The following FTO variants were observed in gnomAD, a reference collection of about 807,000 sequenced individuals.
The protein encoded by FTO is FTO alpha-ketoglutarate dependent dioxygenase.
Under a neutral mutation model 63.9 loss-of-function variants are expected in FTO, and 47 were observed. The observed-to-expected ratio is 0.74, with a 90% CI of 0.58 to 0.94. The LOEUF (loss-of-function observed/expected upper bound fraction) is 0.94. FTO is among the 40% of genes least tolerant of loss of function. The pLI, the probability that FTO is intolerant of heterozygous loss-of-function variation, is 0.00. For synonymous variants in FTO, 207 were observed against 224.4 expected (o/e 0.92, Z 0.69); for missense variants, 562 against 618.1 (o/e 0.91, Z 0.96).
chr16:54,018,451 T>TACA (rs1326864802), intron 8 of FTO, among the ~76,000 whole-genome samples: 15 of 152,084 alleles, frequency 9.9e-5, no homozygotes, highest in African/African-American at 3.6e-4. Context: ...CATACATACA[T>TACA]TCATTCATGT....
chr16:53,826,269 C>G lies in FTO; in HGVS notation c.529C>G (p.Pro177Ala). Residue 177 changes from proline (P) to alanine (A), a missense_variant, in exon 3 of 9, where the codon CCC (proline) becomes GCC (alanine). Coordinates refer to ENST00000471389, the MANE Select transcript of FTO (RefSeq NM_001080432.3). The stretch of plus-strand genomic sequence containing the variant: ...GCCATTGTGTATGTCTGCAGATTTC[C>G]CCAGGGTTGGGATGGGTTCATCCTA... ...AVPLCMSADFPRVGMGSSYNG... is the reference protein window; with the variant it reads ...AVPLCMSADFARVGMGSSYNG... The G allele has an allele frequency of 6.2e-7, 1 of 1,614,152 alleles. No individual in the cohort carries two copies. The highest frequency in any genetic ancestry group is 8.5e-7 in the Non-Finnish European group (1 of 1,180,030).
chr16:54,099,814 G>C (rs1189723837), intron 8 of FTO, among the ~76,000 whole-genome samples: 3 of 152,188 alleles, frequency 2.0e-5, no homozygotes, highest in Non-Finnish European at 4.4e-5. Context: ...TCATGTGCCA[G>C]ACCCTGGGAA....
At chr16:53,720,257 A>G (rs773440454) in intron 1 of FTO, among the ~76,000 whole-genome samples, 3 of 152,170 alleles carry the variant, frequency 2.0e-5, no homozygotes, top group Non-Finnish European at 4.4e-5. Flanking sequence ...GTGATGTTTC[A>G]TCTGTAAAAT....
At chr16:53,710,193 T>A (rs114986370) in intron 1 of FTO, among the ~76,000 whole-genome samples, 1,829 of 151,298 alleles carry the variant, frequency 0.012, 31 homozygotes, top group African/African-American at 0.042. Context: ...TATTTATTTA[T>A]TTAATTTTTT....
chr16:54,090,898 G>A (rs1298110412), intron 8 of FTO, among the ~76,000 whole-genome samples: 1 of 152,176 alleles, frequency 6.6e-6, no homozygotes. Flanking sequence ...TCTCCTTGTA[G>A]TCTCAGGGCC....
chr16:53,729,209 A>ATT (rs2076216537), intron 1 of FTO, among the ~76,000 whole-genome samples: 1 of 150,642 alleles, frequency 6.6e-6, no homozygotes, highest in Non-Finnish European at 1.5e-5. Flanking sequence ...TTTCCATTCC[A>ATT]CCCACTTCTA....
chr16:53,823,027 C>T (rs927628169), intron 2 of FTO, among the ~76,000 whole-genome samples: 1 of 152,168 alleles, frequency 6.6e-6, no homozygotes, highest in African/African-American at 2.4e-5. Flanking sequence ...CATTTTTCTA[C>T]TCCCCTTCAT....
intron 1 of FTO, among the ~76,000 whole-genome samples, chr16:53,773,093 A>AT (rs10718688): frequency 3.0e-4 from 41 of 137,026 alleles, no homozygotes; most frequent in East Asian, 2.6e-3. Flanking sequence ...TTATTTATTT[A>AT]TTTTTTTTTT....
chr16:53,989,563 A>G (rs2083753501), intron 8 of FTO, among the ~76,000 whole-genome samples: 2 of 152,162 alleles, frequency 1.3e-5, no homozygotes, highest in African/African-American at 4.8e-5. Context: ...CTATATTCAG[A>G]TGGTCCTGGG....
At chr16:53,805,511 G>T (rs1033494558) in intron 1 of FTO, among the ~76,000 whole-genome samples, 5 of 146,366 alleles carry the variant, frequency 3.4e-5, no homozygotes, top group Non-Finnish European at 6.0e-5. Flanking sequence ...GCAGTGGCGT[G>T]ATCTCGGCTC....
At chr16:53,817,366 G>A (rs573108396) in intron 2 of FTO, among the ~76,000 whole-genome samples, 6 of 152,228 alleles carry the variant, frequency 3.9e-5, no homozygotes, top group South Asian at 2.1e-4. Context: ...TGTTTAGCCC[G>A]TTAGTCATCG....
At chr16:53,931,298 CTTTTTTT>C (rs869204000) in intron 7 of FTO, among the ~76,000 whole-genome samples, 1 of 101,944 alleles carries the variant, frequency 9.8e-6, no homozygotes, top group Non-Finnish European at 1.9e-5. Context: ...AACTATGTGA[CTTTTTTT>C]TTTTTTTTTT....
Position 53,883,866 on chromosome 16 carries a change from G to A in FTO, c.1119+3879G>A, listed in dbSNP as rs575383193. 1.1e-4 allele frequency among the ~76,000 whole-genome samples: 17 copies of A among 152,264 alleles called. No individual in the cohort carries two copies. The South Asian group carries it at 3.5e-3, about 32-fold the overall frequency. ...CTTTCACAATTAATTCCATATGTCA[G>A]GGCACATTGTCAGATATTGTTCTTT... On this transcript the variant is annotated intron_variant, in intron 6 of 8. Transcript: ENST00000471389.
intron 8 of FTO, among the ~76,000 whole-genome samples, chr16:54,094,981 A>G (rs1217743481): frequency 6.6e-6 from 1 of 152,066 alleles, no homozygotes; most frequent in African/African-American, 2.4e-5. Flanking sequence ...CTCAGACTTC[A>G]CTGACCCCAT....
chr16:53,997,498 A>G (rs2083967056), intron 8 of FTO, among the ~76,000 whole-genome samples: 1 of 149,136 alleles, frequency 6.7e-6, no homozygotes, highest in African/African-American at 2.5e-5. Flanking sequence ...TCCTGGCAGA[A>G]ATAATGGCTA....
In FTO at chr16:53,950,922, T is replaced by A. The variant is rs551623961; in HGVS notation, c.1364+16813T>A. 5.9e-5 allele frequency among the ~76,000 whole-genome samples: 9 copies of A among 152,314 alleles called. 1 individual carries two copies. In the South Asian group the frequency reaches 1.7e-3, roughly 28 times the overall value. ...TCAGGTGCGGTGCACCTAGGCTCTT[T>A]CCTACAGAAGCAAACAGCTGTGTTG... On this transcript the variant is annotated intron_variant, in intron 8 of 8. Coordinates refer to ENST00000471389, the MANE Select transcript of FTO (RefSeq NM_001080432.3).
chr16:53,902,391 C>T (rs2081425632), intron 7 of FTO, among the ~76,000 whole-genome samples: 1 of 152,146 alleles, frequency 6.6e-6, no homozygotes, highest in Non-Finnish European at 1.5e-5. Flanking sequence ...TATAGAACCC[C>T]AGATTTCCCA....
At chr16:54,004,420 A>G (rs1458099124) in intron 8 of FTO, among the ~76,000 whole-genome samples, 6 of 138,104 alleles carry the variant, frequency 4.3e-5, no homozygotes, top group Admixed American at 2.9e-4. Context: ...AAATAAATAA[A>G]TGTCGTGGTT....
At chr16:54,055,505 T>G (rs1258769079) in intron 8 of FTO, among the ~76,000 whole-genome samples, 1 of 152,086 alleles carries the variant, frequency 6.6e-6, no homozygotes, top group Non-Finnish European at 1.5e-5. Context: ...AACACTGAGA[T>G]AAAGAAAGGA....
Sources: allele counts gnomAD v4.1 joint callset (sites outside exome capture counted in the v4.1 genomes callset), GRCh38; gene constraint gnomAD v4.1.1; transcripts MANE v1.5; gene names NCBI Gene and HGNC (gene_info 2026-07-23, HGNC 2026-07-21).